Variants in SPIRE1 observed in about 807,000 individuals in gnomAD.
SPIRE1 encodes the protein spire type actin nucleation factor 1, also known as protein spire homolog 1.
Under a neutral mutation model 94.1 loss-of-function variants are expected in SPIRE1, and 40 were observed. The ratio of observed to expected loss-of-function variants is 0.43; its 90% CI spans 0.33 to 0.55. The LOEUF (loss-of-function observed/expected upper bound fraction) is 0.55, where lower values mean the gene tolerates loss of function less well. Ranked by LOEUF, SPIRE1 falls within the 20% of genes least tolerant of loss-of-function variation. SPIRE1 has a pLI of 0.06. For missense variants in SPIRE1, 838 were observed against 975.2 expected (o/e 0.86, Z 1.87); for synonymous variants, 376 against 371.7 (o/e 1.01, Z -0.13).
chr18:12,484,795 C>T (rs964468306), intron 9 of SPIRE1, among the ~76,000 whole-genome samples: 10 of 152,106 alleles, frequency 6.6e-5, no homozygotes, highest in Admixed American at 5.9e-4. Context: ...AGGTGGCTTA[C>T]GCCTGTATTC....
At chr18:12,578,890 T>C (rs1389156771) in intron 2 of SPIRE1, among the ~76,000 whole-genome samples, 2 of 152,164 alleles carry the variant, frequency 1.3e-5, no homozygotes, top group African/African-American at 4.8e-5. Flanking sequence ...GTTTTGACTT[T>C]TTTTCTATAA....
At chr18:12,500,601 C>T (rs1257600762) in intron 6 of SPIRE1, among the ~76,000 whole-genome samples, 1 of 152,144 alleles carries the variant, frequency 6.6e-6, no homozygotes, top group Non-Finnish European at 1.5e-5. Flanking sequence ...TCCAGCCACT[C>T]CACTCCCAGG....
At chr18:12,658,608 A>AGGGTT (rs2038629814), upstream of SPIRE1, 1 of 470,552 alleles carries the variant, frequency 2.1e-6, no homozygotes, top group African/African-American at 2.0e-5. Flanking sequence ...TGAAAACTTG[A>AGGGTT]ACCCGCCTGG....
chr18:12,496,471 C>T (rs563426221), intron 6 of SPIRE1, among the ~76,000 whole-genome samples: 31 of 152,166 alleles, frequency 2.0e-4, no homozygotes, highest in African/African-American at 1.2e-4. Flanking sequence ...CAGTGGCTCA[C>T]GCATGTAATC....
chr18:12,525,803 A>G (rs527417503), intron 4 of SPIRE1, among the ~76,000 whole-genome samples: 4 of 152,240 alleles, frequency 2.6e-5, no homozygotes, highest in East Asian at 1.9e-4. Context: ...CTGAAGAACT[A>G]AAGACTAGCT....
chr18:12,456,014 C>T (rs1370342273), intron 12 of SPIRE1, among the ~76,000 whole-genome samples: 1 of 152,182 alleles, frequency 6.6e-6, no homozygotes, highest in Non-Finnish European at 1.5e-5. Context: ...CATCTCTGTT[C>T]AAGCTAACTT....
chr18:12,536,513 A>T (rs1263958199), intron 3 of SPIRE1, among the ~76,000 whole-genome samples: 2 of 124,026 alleles, frequency 1.6e-5, no homozygotes, highest in Non-Finnish European at 3.9e-5. Flanking sequence ...TAACGTAGTA[A>T]AAAAAAAAAA....
At position 12,566,363 on chromosome 18, in the gene SPIRE1, A is replaced by C. The variant is rs557911531; in HGVS notation, c.373-19459T>G. Among the ~76,000 whole-genome samples the C allele has an allele frequency of 8.9e-4, 135 of 152,192 alleles. 2 individuals carry two copies. The highest frequency in any genetic ancestry group is 3.9e-4 in the Admixed American group (6 of 15,272). ...ATAAAAAATAAATTAAAAAGAAGTT[A>C]TTTAGAGAGAAAGAAAATAATATGG... On this transcript the variant is annotated intron_variant, in intron 2 of 16. Transcript: ENST00000409402.
chr18:12,578,955 A>T (rs911356387), intron 2 of SPIRE1, among the ~76,000 whole-genome samples: 2 of 152,150 alleles, frequency 1.3e-5, no homozygotes, highest in East Asian at 3.9e-4. Context: ...TTGCAGCAAT[A>T]ATCAGCTACC....
chr18:12,568,829 G>C (rs557697265), intron 2 of SPIRE1, among the ~76,000 whole-genome samples: 41 of 152,244 alleles, frequency 2.7e-4, no homozygotes, highest in Non-Finnish European at 5.0e-4. Context: ...TGGAACTTAT[G>C]AACACAGAAA....
chr18:12,657,689 C>A lies in SPIRE1; in HGVS notation c.178G>T (p.Ala60Ser). Residue 60 changes from alanine to serine, a missense_variant, in exon 1 of 17, where the codon GCC becomes TCC. Ala to Ser is a moderately conservative substitution (Grantham distance 99, BLOSUM62 1). Coordinates refer to ENST00000409402, the MANE Select transcript of SPIRE1 (RefSeq NM_001128626.2). ...GAACCGCAGCACTGGTAGCACACGG[C>A]CCACGCCTGCTCCTCGTTGATGGGC... is the stretch of plus-strand genomic sequence containing the variant. ...NQPINEEQAW[A>S]VCYQCCGSLR... 2 of 1,404,110 alleles carry A rather than the reference C, an allele frequency of 1.4e-6. No homozygotes were observed. Among genetic ancestry groups the A allele is most frequent in the East Asian group, 3.2e-5 (1 of 31,262 alleles). The allele number at this position is 1,404,110 out of a possible 1,614,324, so 87.0% of individuals were successfully genotyped here. A position where few individuals can be genotyped will look rare whatever the true frequency, so the allele number is the denominator to read the frequency against.
chr18:12,619,430 C>A (rs1221218331), intron 2 of SPIRE1, among the ~76,000 whole-genome samples: 2 of 152,026 alleles, frequency 1.3e-5, no homozygotes, highest in African/African-American at 2.4e-5. Context: ...ATGGCGTGAA[C>A]CTGGGAGGCA....
intron 8 of SPIRE1, 69 bp downstream of exon 8, chr18:12,493,003 G>C: frequency 2.0e-6 from 3 of 1,498,302 alleles, no homozygotes; most frequent in Non-Finnish European, 2.7e-6. Flanking sequence ...ACTTTCATGG[G>C]GCTGGGTGTA....
chr18:12,634,721 G>C (rs1461357632), intron 2 of SPIRE1, among the ~76,000 whole-genome samples: 2 of 152,046 alleles, frequency 1.3e-5, no homozygotes, highest in Admixed American at 6.6e-5. Flanking sequence ...GATCACCTGA[G>C]GTAAGGAGTT....
intron 2 of SPIRE1, among the ~76,000 whole-genome samples, chr18:12,589,558 T>C (rs1199220787): frequency 6.6e-6 from 1 of 152,186 alleles, no homozygotes; most frequent in African/African-American, 2.4e-5. Flanking sequence ...CAGTACCAGG[T>C]GCACTTAGGT....
At chr18:12,552,932 T>C (rs190751864) in intron 2 of SPIRE1, among the ~76,000 whole-genome samples, 6 of 152,268 alleles carry the variant, frequency 3.9e-5, no homozygotes, top group African/African-American at 1.4e-4. Flanking sequence ...GAGACCCCCA[T>C]TCCAGGCCCC....
At chr18:12,524,588 G>A (rs1433909084) in intron 4 of SPIRE1, among the ~76,000 whole-genome samples, 1 of 152,174 alleles carries the variant, frequency 6.6e-6, no homozygotes, top group Admixed American at 6.5e-5. Flanking sequence ...AGGCAAAGAT[G>A]AATAATTTAA....
At chr18:12,566,225 A>G (rs890019998) in intron 2 of SPIRE1, among the ~76,000 whole-genome samples, 3 of 151,838 alleles carry the variant, frequency 2.0e-5, no homozygotes, top group Non-Finnish European at 4.4e-5. Flanking sequence ...AATCCCAGCT[A>G]CACGGGAGGC....
chr18:12,579,333 TACA>T (rs1290332183), intron 2 of SPIRE1, among the ~76,000 whole-genome samples: 3 of 152,140 alleles, frequency 2.0e-5, no homozygotes, highest in East Asian at 3.9e-4. Flanking sequence ...TGTTACATGT[TACA>T]ACATGGATGA....
Sources: allele counts gnomAD v4.1 joint callset (sites outside exome capture counted in the v4.1 genomes callset), GRCh38; gene constraint gnomAD v4.1.1; transcripts MANE v1.5; gene names NCBI Gene and HGNC (gene_info 2026-07-23, HGNC 2026-07-21).